Variants in ROBO3 observed in about 807,000 individuals in gnomAD.
ROBO3 encodes roundabout homolog 3.
ROBO3 carries 97 observed loss-of-function variants against 160.5 expected under a neutral mutation model. The ratio of observed to expected loss-of-function variants is 0.60; its 90% CI spans 0.51 to 0.72. ROBO3 has a LOEUF of 0.72. Ranked by LOEUF, ROBO3 falls within the 30% of genes least tolerant of loss-of-function variation. ROBO3 has a pLI of 0.00. For missense variants in ROBO3, 1,858 were observed against 1,846.5 expected (o/e 1.01, Z -0.11); for synonymous variants, 780 against 746.2 (o/e 1.05, Z -0.74).
Position 124,877,198 on chromosome 11 carries a change from G to T in ROBO3, c.2803+14G>T. The T allele has an allele frequency of 1.9e-6, 3 of 1,613,834 alleles. No individual in the cohort carries two copies. The highest frequency in any genetic ancestry group is 2.5e-6 in the Non-Finnish European group (3 of 1,179,846). ...ACACACCGGCAGGTAAGCCATCTCTGCCCCAGTGGGGTTCAGACCCCCCGG... is the reference window on the plus strand; with the variant it reads ...ACACACCGGCAGGTAAGCCATCTCTTCCCCAGTGGGGTTCAGACCCCCCGG... On this transcript the variant is annotated intron_variant, in intron 18 of 27. Coordinates refer to ENST00000397801, the MANE Select transcript of ROBO3 (RefSeq NM_022370.4).
In ROBO3 at chr11:124,878,157, G is replaced by T. The variant is rs777193380; in HGVS notation, c.3181+26G>T. 4 of 1,585,690 alleles carry T rather than the reference G, an allele frequency of 2.5e-6. No homozygotes were observed. In the East Asian group the frequency reaches 6.8e-5, roughly 27 times the overall value. ...GTATGACTCCAACTCCTGAAACCCC[G>T]TTTAGCCCTGACCAGGGTATCCCCA... On this transcript the variant is annotated intron_variant, in intron 21 of 27. Transcript: ENST00000397801. This position sits in a 1 kb window ranked among gnomAD's most constrained non-coding sequence, Gnocchi z 4.3.
rs745551525 is a variant in ROBO3, at chr11:124,869,048, C to T, written c.407C>T (p.Pro136Leu). The change falls in exon 2 of 28, where the codon CCG (proline) becomes CTG (leucine). Residue 136 changes from proline to leucine, a missense_variant. Transcript: ENST00000397801. This position sits in a 1 kb window ranked among gnomAD's most constrained non-coding sequence, Gnocchi z 4.2. ...PRIVHGRRARPDEGVYTCVAR... is the reference protein window; with the variant it reads ...PRIVHGRRARLDEGVYTCVAR... The stretch of plus-strand genomic sequence containing the variant: ...ATCGTGCACGGGCGCCGCGCGCGGC[C>T]GGACGAAGGTGTCTACACTTGCGTG... 28 of 1,602,764 alleles carry T rather than the reference C, an allele frequency of 1.7e-5. 1 individual carries two copies. Among genetic ancestry groups the T allele is most frequent in the African/African-American group, 1.7e-4 (13 of 74,702 alleles).
In ROBO3 at chr11:124,869,869, G is replaced by A. The variant is rs1432465029; in HGVS notation, c.646-79G>A. On this transcript the variant is annotated intron_variant, in intron 3 of 27. Transcript: ENST00000397801. This position sits in a 1 kb window ranked among gnomAD's most constrained non-coding sequence, Gnocchi z 4.2. ...AGGATCAAATAAACTTTATACATAT[G>A]TATATACACATATATTCACCATATA... 2 of 1,510,092 alleles carry A rather than the reference G, an allele frequency of 1.3e-6. No individual in the cohort carries two copies. Among genetic ancestry groups the A allele is most frequent in the Non-Finnish European group, 1.8e-6 (2 of 1,110,048 alleles). The allele number at this position is 1,510,092 out of a possible 1,614,324, so 93.5% of individuals were successfully genotyped here.
In ROBO3 at chr11:124,872,268, C is replaced by G. The variant is rs954690258; in HGVS notation, c.1159-113C>G. ...AGTTCACATCACTGCTGGAGACAGA[C>G]GATGAACTAGAATCATAGGAATTCT... On this transcript the variant is annotated intron_variant, in intron 7 of 27. Coordinates refer to ENST00000397801, the MANE Select transcript of ROBO3 (RefSeq NM_022370.4). This position sits in a 1 kb window ranked among gnomAD's most constrained non-coding sequence, Gnocchi z 4.3. 2 of 988,668 alleles carry G rather than the reference C, an allele frequency of 2.0e-6. No individual in the cohort carries two copies. Among genetic ancestry groups the G allele is most frequent in the African/African-American group, 3.2e-5 (2 of 62,716 alleles). The allele number at this position is 988,668 out of a possible 1,614,324, so 61.2% of individuals were successfully genotyped here.
Position 124,870,663 on chromosome 11 carries a change from C to G in ROBO3, c.968C>G (p.Thr323Arg). Residue 323 changes from threonine to arginine, a missense_variant, in exon 6 of 28, where the codon ACG becomes AGG. Transcript: ENST00000397801. ...CATGTGAGTGCCGAAGATGAGGGAACGTACACCTGTGTGGCGGAGAACAGT... is the reference window on the plus strand; with the variant it reads ...CATGTGAGTGCCGAAGATGAGGGAAGGTACACCTGTGTGGCGGAGAACAGT... Reference protein sequence around the residue: ...IGHVSAEDEGTYTCVAENSVG... With the variant: ...IGHVSAEDEGRYTCVAENSVG... 6.2e-7 allele frequency: 1 copy of G among 1,613,388 alleles called. No homozygotes were observed. Among genetic ancestry groups the G allele is most frequent in the Non-Finnish European group, 8.5e-7 (1 of 1,179,730 alleles).
rs1419321271 is a variant in ROBO3 at position 124,868,870 on chromosome 11, C to T, written c.229C>T (p.Arg77Ter). The change falls in exon 2 of 28, where the codon CGA becomes TGA. Residue 77 changes from arginine to a stop codon, truncating the protein, a stop_gained. Coordinates refer to ENST00000397801, the MANE Select transcript of ROBO3 (RefSeq NM_022370.4). LOFTEE classifies it high-confidence loss of function. ...VEQPPDLLVSRGEPATLPCRA... is the reference protein window; with the variant it reads ...VEQPPDLLVS ...GCAGCCGCCAGATCTGCTGGTCTCC[C>T]GAGGCGAGCCCGCCACGTTGCCCTG... 2.5e-6 allele frequency: 4 copies of T among 1,607,616 alleles called. No individual in the cohort carries two copies. The highest frequency in any genetic ancestry group is 3.4e-6 in the Non-Finnish European group (4 of 1,177,990).
Position 124,869,437 on chromosome 11 carries a change from C to CG in ROBO3, c.488-13_488-12insG, listed in dbSNP as rs775155953. Reference sequence around the variant, plus strand: ...TACACCCTGCTTATTTCGCCCCCCACCGCCCCGCCCAGTCCTCCGTGATGA... The same window carrying CG: ...TACACCCTGCTTATTTCGCCCCCCACGCGCCCCGCCCAGTCCTCCGTGATGA... On this transcript the variant is annotated splice_polypyrimidine_tract_variant and intron_variant, in intron 2 of 27. Coordinates refer to ENST00000397801, the MANE Select transcript of ROBO3 (RefSeq NM_022370.4). The surrounding 1 kb of genome is among the most constrained non-coding windows in gnomAD (Gnocchi z 4.2). The CG allele has an allele frequency of 2.1e-5, 30 of 1,436,000 alleles. 3 individuals are homozygous for CG. The highest frequency in any genetic ancestry group is 4.6e-4 in the Middle Eastern group (2 of 4,368). The allele number at this position is 1,436,000 out of a possible 1,614,324, so 89.0% of individuals were successfully genotyped here.
rs1355308444 is a variant in ROBO3 at position 124,872,474 on chromosome 11, G to C, written c.1252G>C (p.Asp418His). The C allele has an allele frequency of 1.2e-6, 2 of 1,613,854 alleles. No individual in the cohort carries two copies. Among genetic ancestry groups the C allele is most frequent in the Non-Finnish European group, 1.7e-6 (2 of 1,179,874 alleles). ...TAACATCACCGCGGTGCAGCGTGGGGATGCTGGGTACTACGTGTGCCAGGC... is the reference window on the plus strand; with the variant it reads ...TAACATCACCGCGGTGCAGCGTGGGCATGCTGGGTACTACGTGTGCCAGGC... ...QLNITAVQRG[D>H]AGYYVCQAVS... Residue 418 changes from aspartate to histidine, a missense_variant, in exon 8 of 28, where the codon GAT becomes CAT. Asp to His is a moderately conservative substitution (Grantham distance 81). Transcript: ENST00000397801. The surrounding 1 kb of genome is among the most constrained non-coding windows in gnomAD (Gnocchi z 4.3).
chr11:124,866,011 A>C (rs1565307122), intron 1 of ROBO3, among the ~76,000 whole-genome samples: 1 of 152,180 alleles, frequency 6.6e-6, no homozygotes, highest in African/African-American at 2.4e-5. Context: ...AGGTGAGAAG[A>C]ACCGTTGCTG....
In ROBO3 at chr11:124,878,481, C is replaced by A. The variant is rs757387654; in HGVS notation, c.3320+45C>A. The stretch of plus-strand genomic sequence containing the variant: ...CCAGGCCCACACACCTGCGGCCAGA[C>A]CATGGGCTGCTGGGGAGGAAGGGGA... On this transcript the variant is annotated intron_variant, in intron 22 of 27. Coordinates refer to ENST00000397801, the MANE Select transcript of ROBO3 (RefSeq NM_022370.4). The surrounding 1 kb of genome is among the most constrained non-coding windows in gnomAD (Gnocchi z 4.3). 1 of 1,605,616 alleles carries A rather than the reference C, an allele frequency of 6.2e-7. No individual in the cohort carries two copies. Among genetic ancestry groups the A allele is most frequent in the East Asian group, 2.2e-5 (1 of 44,714 alleles).
intron 7 of ROBO3, among the ~76,000 whole-genome samples, 179 bp downstream of exon 7, chr11:124,871,317 C>T (rs1369164267): frequency 6.6e-6 from 1 of 152,214 alleles, no homozygotes; most frequent in Non-Finnish European, 1.5e-5. Context: ...GCCTGGAACA[C>T]ATTGGGACAC....
rs1348739805 is a variant in ROBO3, at chr11:124,876,517, G to GAGGGGC, written c.2779+64_2779+69dup. 39 of 1,320,030 alleles carry GAGGGGC rather than the reference G, an allele frequency of 3.0e-5. No homozygotes were observed. The highest frequency in any genetic ancestry group is 3.6e-5 in the Non-Finnish European group (37 of 1,029,882). The allele number at this position is 1,320,030 out of a possible 1,614,324, so 81.8% of individuals were successfully genotyped here. On this transcript the variant is annotated intron_variant, in intron 17 of 27. Transcript: ENST00000397801. The surrounding 1 kb of genome is among the most constrained non-coding windows in gnomAD (Gnocchi z 5.3). ...GGGAGGGAGCCAGGCGGCCCATGGG[G>GAGGGGC]AGGGGCAGGGGCTTAGCCGCTGGCG...
chr11:124,880,335 CCTG>C (rs1259074258), intron 26 of ROBO3, 80 bp from the exon 27 acceptor site: 1 of 1,555,692 alleles, frequency 6.4e-7, no homozygotes, highest in East Asian at 2.3e-5. Flanking sequence ...CAGAGCTGAG[CCTG>C]TGGTCAGGGT....
chr11:124,865,791 G>C lies in ROBO3; in HGVS notation c.160+54G>C. 1 of 1,525,694 alleles carries C rather than the reference G, an allele frequency of 6.6e-7. No homozygotes were observed. Among genetic ancestry groups the C allele is most frequent in the Non-Finnish European group, 8.8e-7 (1 of 1,134,448 alleles). 94.5% of individuals were successfully genotyped at this position (1,525,694 alleles called of 1,614,324 possible). On this transcript the variant is annotated intron_variant, in intron 1 of 27. Coordinates refer to ENST00000397801, the MANE Select transcript of ROBO3 (RefSeq NM_022370.4). This position sits in a 1 kb window ranked among gnomAD's most constrained non-coding sequence, Gnocchi z 5.5. Reference sequence around the variant, plus strand: ...ATCCTGGGATGGGGATGAGGTGAGAGGGCGGCGTGGAAGGGAAGGAGAAGC... The same window carrying C: ...ATCCTGGGATGGGGATGAGGTGAGACGGCGGCGTGGAAGGGAAGGAGAAGC...
chr11:124,870,080 G>C lies in ROBO3; in HGVS notation c.766+12G>C. On this transcript the variant is annotated intron_variant, in intron 4 of 27. Transcript: ENST00000397801. ...AGTCATGGTACTGGGTAGGCACAGG[G>C]AATTTTGACATTATGGGAACAGGTA... The C allele has an allele frequency of 6.2e-7, 1 of 1,613,956 alleles. No homozygotes were observed.
In ROBO3 at chr11:124,873,987, C is replaced by A. The variant is rs572670059; in HGVS notation, c.1785-83C>A. The A allele has an allele frequency of 1.3e-6, 2 of 1,586,674 alleles. No individual in the cohort carries two copies. The highest frequency in any genetic ancestry group is 1.3e-5 in the African/African-American group (1 of 74,412). ...TCTTGCAAGGGGAAGACATAATGGT[C>A]GTTCATAGAGAGTGGATGAGATGGA... On this transcript the variant is annotated intron_variant, in intron 11 of 27. Coordinates refer to ENST00000397801, the MANE Select transcript of ROBO3 (RefSeq NM_022370.4). This position sits in a 1 kb window ranked among gnomAD's most constrained non-coding sequence, Gnocchi z 4.5.
chr11:124,874,742 T>C (rs755296069), intron 12 of ROBO3, 46 bp from the exon 13 acceptor site: 4 of 1,574,966 alleles, frequency 2.5e-6, no homozygotes, highest in Non-Finnish European at 3.5e-6. Context: ...CAGCCCTATC[T>C]CCCTGTCCCT....
chr11:124,874,169 G>C lies in ROBO3; in HGVS notation c.1884G>C (p.Leu628=), dbSNP rs1946317662. Residue 628 remains leucine (L), a synonymous_variant, in exon 12 of 28, where the codon CTG becomes CTC. Coordinates refer to ENST00000397801, the MANE Select transcript of ROBO3 (RefSeq NM_022370.4). ...GLQPNTIYLF[L]VRAVGAWGLS... ...AGCCCAATACCATCTACCTGTTTCT[G>C]GTTCGAGCAGTGGGAGCCTGGGGCC... 1 of 1,613,878 alleles carries C rather than the reference G, an allele frequency of 6.2e-7. No individual in the cohort carries two copies. The highest frequency in any genetic ancestry group is 1.3e-5 in the African/African-American group (1 of 74,918).
intron 13 of ROBO3, 86 bp from the exon 14 acceptor site, chr11:124,875,025 G>T: frequency 6.6e-7 from 1 of 1,512,274 alleles, no homozygotes; most frequent in South Asian, 1.3e-5. Context: ...CGGCATGAGT[G>T]GGAGGAGGGG....
Sources: allele counts gnomAD v4.1 joint callset (sites outside exome capture counted in the v4.1 genomes callset), GRCh38; gene constraint gnomAD v4.1.1; non-coding constraint Gnocchi (gnomAD v3.1); transcripts MANE v1.5; gene names NCBI Gene and HGNC (gene_info 2026-07-23, HGNC 2026-07-21).